The following DOCK2 variants were observed in gnomAD, a reference collection of about 807,000 sequenced individuals.
DOCK2 encodes dedicator of cytokinesis protein 2.
In DOCK2, 87 loss-of-function variants were observed where a neutral mutation model predicts 248.9. The observed-to-expected ratio is 0.35, with a 90% CI of 0.29 to 0.42. DOCK2 has a LOEUF of 0.42. DOCK2 is among the 10% of genes least tolerant of loss of function. The pLI, the probability that DOCK2 is intolerant of heterozygous loss-of-function variation, is 1.00. For synonymous variants in DOCK2, 805 were observed against 821.6 expected, an observed-to-expected ratio of 0.98 and a Z score of 0.35; for missense variants, 1,747 against 2,300.2, an observed-to-expected ratio of 0.76 and a Z score of 4.92.
intron 27 of DOCK2, among the ~76,000 whole-genome samples, chr5:169,925,784 C>G (rs1416449611): frequency 6.6e-6 from 1 of 151,918 alleles, no homozygotes; most frequent in Non-Finnish European, 1.5e-5. Context: ...GATGCCAGAC[C>G]AATAATGGTG....
intron 33 of DOCK2, among the ~76,000 whole-genome samples, chr5:170,021,879 A>G (rs1176772146): frequency 6.6e-6 from 1 of 152,066 alleles, no homozygotes; most frequent in Non-Finnish European, 1.5e-5. Flanking sequence ...GGCCAGAACG[A>G]GAGTGAACCC....
chr5:169,982,617 G>A (rs1042588002), intron 27 of DOCK2, among the ~76,000 whole-genome samples: 3 of 152,158 alleles, frequency 2.0e-5, no homozygotes, highest in African/African-American at 7.2e-5. Context: ...GGAGGTGCTG[G>A]GTTGCCACTG....
intron 27 of DOCK2, among the ~76,000 whole-genome samples, chr5:169,968,394 A>G (rs1232780354): frequency 6.6e-6 from 1 of 152,162 alleles, no homozygotes; most frequent in Non-Finnish European, 1.5e-5. Context: ...TGTGTCAGGC[A>G]TTGAGGATAC....
chr5:169,940,180 A>G (rs1776180826), intron 27 of DOCK2, among the ~76,000 whole-genome samples: 1 of 152,188 alleles, frequency 6.6e-6, no homozygotes, highest in Non-Finnish European at 1.5e-5. Flanking sequence ...GATCTTTAGA[A>G]GGGACCTGCT....
At chr5:169,754,149 G>C (rs1764063678) in intron 23 of DOCK2, among the ~76,000 whole-genome samples, 1 of 152,200 alleles carries the variant, frequency 6.6e-6, no homozygotes, top group South Asian at 2.1e-4. Context: ...GAGTGAAAGA[G>C]AGAACAGGAA....
intron 36 of DOCK2, 107 bp downstream of exon 36, chr5:170,036,662 T>G: frequency 1.9e-6 from 2 of 1,052,396 alleles, no homozygotes; most frequent in Non-Finnish European, 2.7e-6. Flanking sequence ...CTTCTCTTCT[T>G]GACATTCAGG....
intron 25 of DOCK2, among the ~76,000 whole-genome samples, chr5:169,769,030 T>A (rs1764948295): frequency 6.6e-6 from 1 of 152,194 alleles, no homozygotes; most frequent in South Asian, 2.1e-4. Context: ...GCAATGTGGA[T>A]ACAATTGTGA....
At chr5:170,025,790 CCCTTCCTT>C (rs1193226351) in intron 33 of DOCK2, among the ~76,000 whole-genome samples, 1,288 of 67,574 alleles carry the variant, frequency 0.019, 22 homozygotes, top group Middle Eastern at 0.026. Context: ...CTCCTTCCCT[CCCTTCCTT>C]CCTTCCTTCC....
intron 27 of DOCK2, chr5:169,841,549 C>G (rs1477033724): frequency 1.3e-6 from 1 of 752,546 alleles, no homozygotes; most frequent in Non-Finnish European, 1.6e-6. Flanking sequence ...TTGTCCATCT[C>G]ACTCAGAATA....
At chr5:169,919,804 T>G (rs1775073753) in intron 27 of DOCK2, among the ~76,000 whole-genome samples, 1 of 152,190 alleles carries the variant, frequency 6.6e-6, no homozygotes, top group African/African-American at 2.4e-5. Flanking sequence ...AGTATTTGCA[T>G]ATTAATAGAG....
At chr5:170,028,214 T>C (rs1308666630) in intron 34 of DOCK2, among the ~76,000 whole-genome samples, 1 of 152,252 alleles carries the variant, frequency 6.6e-6, no homozygotes, top group East Asian at 1.9e-4. Flanking sequence ...ATGTCTACTT[T>C]CATTACTTCT....
intron 46 of DOCK2, 45 bp from the exon 47 acceptor site, chr5:170,075,902 C>A: frequency 6.2e-7 from 1 of 1,607,426 alleles, no homozygotes; most frequent in Non-Finnish European, 8.5e-7. Flanking sequence ...CAGGCTGAGG[C>A]CCACCGGTCA....
At chr5:169,786,699 G>A (rs1321387135) in intron 25 of DOCK2, among the ~76,000 whole-genome samples, 1 of 152,122 alleles carries the variant, frequency 6.6e-6, no homozygotes, top group Non-Finnish European at 1.5e-5. Context: ...ACAAGTTCCA[G>A]TATAATCCCT....
intron 27 of DOCK2, among the ~76,000 whole-genome samples, chr5:169,929,276 C>T (rs1019615624): frequency 6.6e-6 from 1 of 152,212 alleles, no homozygotes; most frequent in Admixed American, 6.5e-5. Context: ...ATATGGTAAA[C>T]ATTTCTCTTT....
At chr5:169,963,684 T>A (rs1022167225) in intron 27 of DOCK2, among the ~76,000 whole-genome samples, 31 of 152,024 alleles carry the variant, frequency 2.0e-4, no homozygotes, top group African/African-American at 7.5e-4. Flanking sequence ...GGGAGTCTCT[T>A]TTCACCCTTT....
intron 27 of DOCK2, among the ~76,000 whole-genome samples, chr5:169,866,151 A>G (rs1462685889): frequency 6.6e-6 from 1 of 151,996 alleles, no homozygotes; most frequent in African/African-American, 2.4e-5. Flanking sequence ...AGGGAGCACT[A>G]GGAAAGGGTA....
At chr5:169,983,447 C>G (rs1777990394) in intron 28 of DOCK2, among the ~76,000 whole-genome samples, 1 of 152,128 alleles carries the variant, frequency 6.6e-6, no homozygotes, top group South Asian at 2.1e-4. Context: ...GGGATAATGT[C>G]ATTTATGTCA....
At chr5:170,056,176 CCTCACCTT>C (rs1372471942) in intron 42 of DOCK2, among the ~76,000 whole-genome samples, 1 of 152,192 alleles carries the variant, frequency 6.6e-6, no homozygotes, top group East Asian at 1.9e-4. Flanking sequence ...CTTAACCTCC[CCTCACCTT>C]CTCACCTTCT....
At chr5:169,989,897 A>G (rs1778164120) in intron 29 of DOCK2, among the ~76,000 whole-genome samples, 1 of 152,226 alleles carries the variant, frequency 6.6e-6, no homozygotes, top group Non-Finnish European at 1.5e-5. Context: ...TAGCCAAACT[A>G]CTTCACTGAA....
Sources: gnomAD v4.1 joint callset for allele counts (sites outside exome capture counted in the v4.1 genomes callset) on GRCh38, gnomAD v4.1.1 for gene constraint, MANE v1.5 for transcripts, NCBI Gene and HGNC (gene_info 2026-07-23, HGNC 2026-07-21) for gene names.